Variants in HCRTR2 observed in about 807,000 individuals in gnomAD.
HCRTR2 encodes the protein hypocretin receptor 2.
Under a neutral mutation model 49.0 loss-of-function variants are expected in HCRTR2, and 22 were observed. The ratio of observed to expected loss-of-function variants is 0.45; its 90% CI spans 0.32 to 0.64. The LOEUF is 0.64. HCRTR2 is among the 30% of genes least tolerant of loss of function. The pLI, the probability that HCRTR2 is intolerant of heterozygous loss-of-function variation, is 0.04. For synonymous variants in HCRTR2, 236 were observed against 205.3 expected, an observed-to-expected ratio of 1.15 and a Z score of -1.28; for missense variants, 491 against 559.4, an observed-to-expected ratio of 0.88 and a Z score of 1.23.
intron 1 of HCRTR2, among the ~76,000 whole-genome samples, chr6:55,217,145 C>G (rs1334177278): frequency 1.3e-5 from 2 of 152,070 alleles, no homozygotes; most frequent in Non-Finnish European, 2.9e-5. Context: ...TGGAGAGTAC[C>G]CTGGGCCTGT....
intron 1 of HCRTR2, among the ~76,000 whole-genome samples, chr6:55,232,929 T>C (rs1345201073): frequency 6.6e-6 from 1 of 152,184 alleles, no homozygotes; most frequent in African/African-American, 2.4e-5. Context: ...AAAGAATGAT[T>C]TTAAAGATTA....
intron 1 of HCRTR2, among the ~76,000 whole-genome samples, chr6:55,203,996 G>C (rs1248578438): frequency 6.6e-6 from 1 of 151,900 alleles, no homozygotes; most frequent in Non-Finnish European, 1.5e-5. Flanking sequence ...TGTCTCTAAG[G>C]GTGTATATCA....
intron 1 of HCRTR2, among the ~76,000 whole-genome samples, chr6:55,192,537 C>A (rs9370400): frequency 0.15 from 22,126 of 152,034 alleles, 1,907 homozygotes; most frequent in East Asian, 0.28. Flanking sequence ...TACAGTGAGC[C>A]GTGATTCCAC....
chr6:55,250,003 C>T (rs181079770), intron 2 of HCRTR2, among the ~76,000 whole-genome samples: 189 of 152,016 alleles, frequency 1.2e-3, no homozygotes, highest in South Asian at 5.4e-3. Context: ...GACATTATGC[C>T]GATTAGGCTT....
upstream of HCRTR2, among the ~76,000 whole-genome samples, chr6:55,170,761 T>G (rs1483776083): frequency 1.7e-5 from 2 of 115,344 alleles, no homozygotes; most frequent in African/African-American, 6.7e-5. Flanking sequence ...GGTTCCAGTG[T>G]GTGATGTTCC....
intron 1 of HCRTR2, among the ~76,000 whole-genome samples, chr6:55,202,527 T>A (rs1182426717): frequency 6.6e-6 from 1 of 152,196 alleles, no homozygotes; most frequent in South Asian, 2.1e-4. Flanking sequence ...TCCAACTGTT[T>A]TGGAGACTGG....
intron 1 of HCRTR2, among the ~76,000 whole-genome samples, chr6:55,201,865 C>T (rs1030634629): frequency 4.6e-5 from 7 of 152,120 alleles, no homozygotes; most frequent in Non-Finnish European, 8.8e-5. Context: ...GAAGCATATA[C>T]TATTAACAGC....
At chr6:55,155,290 A>G (rs1218341692) in intron 1 of HCRTR2, among the ~76,000 whole-genome samples, 1 of 151,884 alleles carries the variant, frequency 6.6e-6, no homozygotes, top group Non-Finnish European at 1.5e-5. Context: ...GTTAGAATGG[A>G]TTTCCTTTTA....
At chr6:55,125,207 T>TTGA (rs1463063599) in intron 1 of HCRTR2, among the ~76,000 whole-genome samples, 1 of 152,204 alleles carries the variant, frequency 6.6e-6, no homozygotes, top group African/African-American at 2.4e-5. Flanking sequence ...CTTCATAGTG[T>TTGA]TGATGGTCTT....
intron 1 of HCRTR2, among the ~76,000 whole-genome samples, chr6:55,167,256 T>C (rs1764890072): frequency 6.6e-6 from 1 of 152,196 alleles, no homozygotes; most frequent in Admixed American, 6.5e-5. Context: ...CAATGCAGTT[T>C]AGCGATTGCA....
rs566925855 is a variant in HCRTR2 at position 55,182,050 on chromosome 6, G to T, written c.223+7240G>T. 3.9e-5 allele frequency among the ~76,000 whole-genome samples: 6 copies of T among 152,272 alleles called. No individual in the cohort carries two copies. In the East Asian group the frequency reaches 1.2e-3, roughly 29 times the overall value. On this transcript the variant is annotated intron_variant, in intron 1 of 6. Coordinates refer to ENST00000370862, the MANE Select transcript of HCRTR2 (RefSeq NM_001384272.1). ...TATGCCATAGTAGCAAACAAACCCT[G>T]AATTTTCATTGGCTTAGTATCACGA... is the stretch of plus-strand genomic sequence containing the variant.
intron 1 of HCRTR2, chr6:55,240,635 C>A (rs2127306008): frequency 5.1e-6 from 1 of 197,340 alleles, no homozygotes; most frequent in Non-Finnish European, 1.1e-5. Context: ...AGGGCCAATG[C>A]CGTAACAGTG....
At chr6:55,275,359 C>G (rs1767057637) in intron 4 of HCRTR2, among the ~76,000 whole-genome samples, 1 of 152,082 alleles carries the variant, frequency 6.6e-6, no homozygotes, top group Admixed American at 6.6e-5. Context: ...TTTAGGGATG[C>G]ATTAAGGATT....
chr6:55,118,803 T>C (rs951686081), intron 1 of HCRTR2, among the ~76,000 whole-genome samples: 4 of 151,844 alleles, frequency 2.6e-5, no homozygotes, highest in African/African-American at 7.3e-5. Flanking sequence ...TTTTTTAAAT[T>C]ATACTTTAAG....
At chr6:55,150,600 T>C (rs560017188) in intron 1 of HCRTR2, among the ~76,000 whole-genome samples, 2 of 152,152 alleles carry the variant, frequency 1.3e-5, no homozygotes, top group South Asian at 2.1e-4. Flanking sequence ...TTTGTCTTTT[T>C]TATGTCTGGC....
At chr6:55,273,002 A>G (rs1430037586) in intron 4 of HCRTR2, among the ~76,000 whole-genome samples, 1 of 152,072 alleles carries the variant, frequency 6.6e-6, no homozygotes, top group Non-Finnish European at 1.5e-5. Context: ...GTACACTCTG[A>G]AAGTGGAGCT....
intron 1 of HCRTR2, among the ~76,000 whole-genome samples, chr6:55,199,903 A>C (rs915103097): frequency 1.1e-4 from 17 of 152,182 alleles, no homozygotes; most frequent in African/African-American, 3.9e-4. Context: ...ACTGCATACT[A>C]TCAATGTGCC....
At chr6:55,170,515 C>G (rs541021847), upstream of HCRTR2, among the ~76,000 whole-genome samples, 2 of 151,854 alleles carry the variant, frequency 1.3e-5, no homozygotes, top group Non-Finnish European at 2.9e-5. Context: ...CTATCATTAA[C>G]ACAGAGTAAT....
chr6:55,261,662 T>A (rs964369169), intron 3 of HCRTR2, among the ~76,000 whole-genome samples: 2 of 152,120 alleles, frequency 1.3e-5, no homozygotes, highest in Non-Finnish European at 2.9e-5. Context: ...GAGGGAACAC[T>A]TTTACACTGC....
Sources: allele counts gnomAD v4.1 joint callset (sites outside exome capture counted in the v4.1 genomes callset), GRCh38; gene constraint gnomAD v4.1.1; transcripts MANE v1.5; gene names NCBI Gene and HGNC (gene_info 2026-07-23, HGNC 2026-07-21).